MCHR2: variants seen among roughly 807,000 people sequenced by gnomAD.
MCHR2 encodes the protein melanin concentrating hormone receptor 2.
In MCHR2, 15 loss-of-function variants were observed where a neutral mutation model predicts 24.8. The observed-to-expected ratio is 0.60, with a 90% CI of 0.40 to 0.93. The LOEUF (loss-of-function observed/expected upper bound fraction) is 0.93. MCHR2 is among the 40% of genes least tolerant of loss of function. The pLI, the probability that MCHR2 is intolerant of heterozygous loss-of-function variation, is 0.00. For missense variants in MCHR2, 386 were observed against 408.7 expected, an observed-to-expected ratio of 0.94 and a Z score of 0.48; for synonymous variants, 151 against 147.6, an observed-to-expected ratio of 1.02 and a Z score of -0.17.
At position 99,948,866 on chromosome 6, in the gene MCHR2, C is replaced by A. The variant is rs568132108; in HGVS notation, c.183-895G>T. The stretch of plus-strand genomic sequence containing the variant: ...TTAGAAATATTCCAGTAAAATCTAA[C>A]AAATAGCAAAGACTATTAATAAAGA... On this transcript the variant is annotated intron_variant, in intron 2 of 5. Coordinates refer to ENST00000281806, the MANE Select transcript of MCHR2 (RefSeq NM_001040179.2). 2.2e-4 allele frequency among the ~76,000 whole-genome samples: 33 copies of A among 152,100 alleles called. 1 individual carries two copies. The South Asian group carries it at 6.9e-3, about 32-fold the overall frequency.
At chr6:99,977,746 A>T (rs1382359104) in intron 1 of MCHR2, among the ~76,000 whole-genome samples, 1 of 152,182 alleles carries the variant, frequency 6.6e-6, no homozygotes, top group Admixed American at 6.5e-5. Flanking sequence ...CCTTTAAAAA[A>T]AAGGTAGCAA....
At chr6:99,926,778 T>C (rs1336616033) in intron 5 of MCHR2, among the ~76,000 whole-genome samples, 3 of 152,154 alleles carry the variant, frequency 2.0e-5, no homozygotes, top group African/African-American at 7.2e-5. Flanking sequence ...TTCTCCCATT[T>C]TGTAGGTTGC....
intron 1 of MCHR2, among the ~76,000 whole-genome samples, chr6:99,992,529 T>C (rs964513820): frequency 6.6e-6 from 1 of 152,210 alleles, no homozygotes; most frequent in East Asian, 1.9e-4. Flanking sequence ...CACAGCATCT[T>C]GGACCCGTAG....
chr6:99,934,394 T>A lies in MCHR2; in HGVS notation c.707+4A>T. 6.4e-7 allele frequency: 1 copy of A among 1,571,242 alleles called. No individual in the cohort carries two copies. The highest frequency in any genetic ancestry group is 2.3e-5 in the East Asian group (1 of 43,370). ...TTAACAAATAAAACAAGGCAAACAC[T>A]TACCATCTGGCATCCTTATTCTGTT... On this transcript the variant is annotated splice_donor_region_variant and intron_variant, in intron 5 of 5. Transcript: ENST00000281806.
At chr6:99,974,991 G>T (rs1775517707) in intron 1 of MCHR2, among the ~76,000 whole-genome samples, 1 of 152,158 alleles carries the variant, frequency 6.6e-6, no homozygotes, top group Admixed American at 6.5e-5. Context: ...CTACTGGGGG[G>T]TGCCTCCCAG....
chr6:99,992,840 T>G (rs1418984817), intron 1 of MCHR2, among the ~76,000 whole-genome samples: 1 of 152,188 alleles, frequency 6.6e-6, no homozygotes, highest in East Asian at 1.9e-4. Flanking sequence ...ATTAAACATA[T>G]GCCTGATCCA....
At chr6:99,967,601 A>G (rs1775317759) in intron 1 of MCHR2, among the ~76,000 whole-genome samples, 1 of 152,116 alleles carries the variant, frequency 6.6e-6, no homozygotes, top group South Asian at 2.1e-4. Context: ...TTTTGTTACT[A>G]TTTTCAAGTT....
intron 4 of MCHR2, among the ~76,000 whole-genome samples, chr6:99,939,032 G>A (rs999228104): frequency 2.0e-5 from 3 of 151,882 alleles, no homozygotes; most frequent in African/African-American, 7.2e-5. Context: ...CAGTTGTATG[G>A]AATGTGTTTT....
intron 1 of MCHR2, among the ~76,000 whole-genome samples, chr6:99,991,808 C>CAAAAAAAAAAAAAA (rs3038469): frequency 2.7e-4 from 22 of 82,044 alleles, no homozygotes; most frequent in Non-Finnish European, 3.4e-4. Flanking sequence ...GACTCCGTCT[C>CAAAAAAAAAAAAAA]AAAAAAAAAA....
chr6:99,961,114 A>T (rs1171196154), intron 1 of MCHR2, among the ~76,000 whole-genome samples: 1 of 151,894 alleles, frequency 6.6e-6, no homozygotes, highest in African/African-American at 2.4e-5. Flanking sequence ...AATCCACTTA[A>T]ACAAATTTAC....
At chr6:99,949,611 C>A (rs567126239) in intron 2 of MCHR2, among the ~76,000 whole-genome samples, 1 of 152,228 alleles carries the variant, frequency 6.6e-6, no homozygotes, top group Non-Finnish European at 1.5e-5. Context: ...CTTCTCCAGG[C>A]CTTGGCAGCA....
At chr6:99,989,371 T>TA (rs1243035728) in intron 1 of MCHR2, among the ~76,000 whole-genome samples, 5 of 152,202 alleles carry the variant, frequency 3.3e-5, no homozygotes, top group African/African-American at 1.2e-4. Context: ...CCAGATACTG[T>TA]GTTAAGTACC....
At position 99,955,946 on chromosome 6, in the gene MCHR2, A is replaced by AG; in HGVS notation, c.182+19_182+20insC. On this transcript the variant is annotated intron_variant, in intron 2 of 5. Transcript: ENST00000281806. ...CCTAAAGTATGGAAGGAAAAAAAAAAAAAAGGAGCCATTCCTTACCTTATT... is the reference window on the plus strand; with the variant it reads ...CCTAAAGTATGGAAGGAAAAAAAAAAGAAAAGGAGCCATTCCTTACCTTATT... 6.7e-7 allele frequency: 1 copy of AG among 1,490,490 alleles called. No individual in the cohort carries two copies. The highest frequency in any genetic ancestry group is 8.9e-7 in the Non-Finnish European group (1 of 1,119,610). 92.3% of individuals were successfully genotyped at this position (1,490,490 alleles called of 1,614,324 possible).
intron 1 of MCHR2, among the ~76,000 whole-genome samples, chr6:99,974,746 C>T (rs1775512904): frequency 6.6e-6 from 1 of 152,102 alleles, no homozygotes; most frequent in South Asian, 2.1e-4. Context: ...TTGGTGTGTA[C>T]TTCCTGTTTG....
At chr6:99,930,688 A>G (rs894738198) in intron 5 of MCHR2, among the ~76,000 whole-genome samples, 8 of 152,134 alleles carry the variant, frequency 5.3e-5, no homozygotes, top group Non-Finnish European at 8.8e-5. Flanking sequence ...TCTCAGCTCC[A>G]TCAGCTCCTT....
rs554880255 is a variant in MCHR2, at chr6:99,989,815, T to C, written c.-28+4121A>G. On this transcript the variant is annotated intron_variant, in intron 1 of 5. Coordinates refer to ENST00000281806, the MANE Select transcript of MCHR2 (RefSeq NM_001040179.2). Reference sequence around the variant, plus strand: ...TATAAAATATTTTAGGCAGAATTTATGCAATGAAATGCCTTAATAGTACAC... The same window carrying C: ...TATAAAATATTTTAGGCAGAATTTACGCAATGAAATGCCTTAATAGTACAC... Among the ~76,000 whole-genome samples the C allele has an allele frequency of 1.3e-4, 20 of 152,290 alleles. No individual in the cohort carries two copies. In the South Asian group the frequency reaches 3.7e-3, roughly 28 times the overall value.
intron 2 of MCHR2, among the ~76,000 whole-genome samples, chr6:99,952,739 C>T (rs1444010153): frequency 6.6e-6 from 1 of 152,072 alleles, no homozygotes; most frequent in Non-Finnish European, 1.5e-5. Flanking sequence ...TTTCAAATCA[C>T]TTTTGAAAGA....
chr6:99,946,384 CA>C (rs1236616529), intron 3 of MCHR2, among the ~76,000 whole-genome samples: 2 of 152,136 alleles, frequency 1.3e-5, no homozygotes, highest in Non-Finnish European at 2.9e-5. Context: ...TCGTTCTTGT[CA>C]GAGTGAATTA....
intron 1 of MCHR2, among the ~76,000 whole-genome samples, chr6:99,984,417 C>T (rs1331497247): frequency 9.3e-5 from 14 of 149,776 alleles, no homozygotes; most frequent in African/African-American, 2.9e-4. Context: ...CCCCCACCCC[C>T]GTCTTTTTGT....
Sources: gnomAD v4.1 joint callset for allele counts (sites outside exome capture counted in the v4.1 genomes callset) on GRCh38, gnomAD v4.1.1 for gene constraint, MANE v1.5 for transcripts, NCBI Gene and HGNC (gene_info 2026-07-23, HGNC 2026-07-21) for gene names.